EDIL3: variants seen among roughly 807,000 people sequenced by gnomAD.
EDIL3 encodes EGF-like repeat and discoidin I-like domain-containing protein 3.
Under a neutral mutation model 67.4 loss-of-function variants are expected in EDIL3, and 37 were observed. The observed-to-expected ratio is 0.55, with a 90% CI of 0.42 to 0.72. The LOEUF (loss-of-function observed/expected upper bound fraction) is 0.72, where lower values mean the gene tolerates loss of function less well. EDIL3 is among the 30% of genes least tolerant of loss of function. The pLI is 0.00. For synonymous variants in EDIL3, 195 were observed against 196.3 expected (o/e 0.99, Z 0.05); for missense variants, 527 against 586.3 (o/e 0.90, Z 1.04).
chr5:84,065,354 G>A (rs560397908), intron 7 of EDIL3, among the ~76,000 whole-genome samples: 24 of 152,164 alleles, frequency 1.6e-4, no homozygotes, highest in South Asian at 6.2e-4. Flanking sequence ...TTGGATAATA[G>A]AATTCCTTAT....
chr5:84,311,130 G>A (rs992817279), intron 1 of EDIL3, among the ~76,000 whole-genome samples: 17 of 151,382 alleles, frequency 1.1e-4, no homozygotes, highest in African/African-American at 3.6e-4. Flanking sequence ...GGTTATTTCC[G>A]GTTTTTTAAT....
At chr5:84,013,428 T>TATTATGAAGACTGAA (rs1467236938) in intron 9 of EDIL3, among the ~76,000 whole-genome samples, 1 of 152,098 alleles carries the variant, frequency 6.6e-6, no homozygotes, top group African/African-American at 2.4e-5. Flanking sequence ...ATAATTATCT[T>TATTATGAAGACTGAA]ATTATGAAGA....
At chr5:84,174,956 G>A (rs1748876278) in intron 4 of EDIL3, among the ~76,000 whole-genome samples, 1 of 152,184 alleles carries the variant, frequency 6.6e-6, no homozygotes, top group Non-Finnish European at 1.5e-5. Flanking sequence ...GAGCTGAGGT[G>A]TATGGTAAAT....
At chr5:84,292,288 AT>A (rs894749286) in intron 1 of EDIL3, among the ~76,000 whole-genome samples, 15 of 151,980 alleles carry the variant, frequency 9.9e-5, no homozygotes, top group Non-Finnish European at 1.6e-4. Context: ...AACACTGATG[AT>A]TTTTTTTAAA....
chr5:84,210,212 T>C (rs1744089456), intron 3 of EDIL3, among the ~76,000 whole-genome samples: 1 of 152,204 alleles, frequency 6.6e-6, no homozygotes, highest in Non-Finnish European at 1.5e-5. Context: ...TTGTTTTTCA[T>C]TCAAAACAGA....
chr5:84,106,753 G>A lies in EDIL3; in HGVS notation c.547C>T (p.Leu183Phe), dbSNP rs890344761. The part of the protein sequence containing the change: ...QITASSTHRA[L>F]FGLQKWYPYY... ...GGATACCATTTTTGGAGTCCAAAAA[G>A]AGCTCGGTGAGTAGAGGAAGCTGTG... is the stretch of plus-strand genomic sequence containing the variant. Residue 183 changes from leucine (L) to phenylalanine (F), a missense_variant, in exon 6 of 11, where the codon CTT becomes TTT. Physicochemically the swap from Leu to Phe is conservative, Grantham distance 22. Coordinates refer to ENST00000296591, the MANE Select transcript of EDIL3 (RefSeq NM_005711.5). 12 of 1,613,446 alleles carry A rather than the reference G, an allele frequency of 7.4e-6. No individual in the cohort carries two copies. The highest frequency in any genetic ancestry group is 9.3e-6 in the Non-Finnish European group (11 of 1,179,680).
intron 1 of EDIL3, among the ~76,000 whole-genome samples, chr5:84,291,828 C>T (rs1270991982): frequency 6.8e-6 from 1 of 147,914 alleles, no homozygotes; most frequent in African/African-American, 2.5e-5. Context: ...TATATACACA[C>T]ACATATATAT....
chr5:84,377,710 C>T (rs545446187), intron 1 of EDIL3, among the ~76,000 whole-genome samples: 14 of 152,284 alleles, frequency 9.2e-5, no homozygotes, highest in African/African-American at 3.4e-4. Flanking sequence ...GAGATTAAAA[C>T]CTTGGTCTTC....
chr5:84,106,519 T>A, intron 6 of EDIL3, 130 bp downstream of exon 6: 4 of 1,134,716 alleles, frequency 3.5e-6, no homozygotes, highest in Non-Finnish European at 4.8e-6. Flanking sequence ...TTTGAACTCT[T>A]CACTAAATTA....
chr5:84,184,654 T>G (rs1262425530), intron 3 of EDIL3, among the ~76,000 whole-genome samples: 1 of 152,150 alleles, frequency 6.6e-6, no homozygotes, highest in African/African-American at 2.4e-5. Flanking sequence ...CTGCATGTGA[T>G]GCCCAAGAGA....
chr5:84,371,387 A>ATG (rs1274614165), intron 1 of EDIL3, among the ~76,000 whole-genome samples: 56 of 145,762 alleles, frequency 3.8e-4, no homozygotes, highest in Admixed American at 6.2e-4. Flanking sequence ...GTGTGTATAT[A>ATG]TATGTGTGTA....
chr5:84,246,152 C>T (rs949818162), intron 2 of EDIL3, among the ~76,000 whole-genome samples: 3 of 152,144 alleles, frequency 2.0e-5, no homozygotes, highest in African/African-American at 7.2e-5. Flanking sequence ...AGCAACATTC[C>T]ACAGCAGATT....
chr5:84,145,384 T>C (rs1276557259), intron 4 of EDIL3, among the ~76,000 whole-genome samples: 1 of 152,110 alleles, frequency 6.6e-6, no homozygotes, highest in Non-Finnish European at 1.5e-5. Context: ...GGGGATACTC[T>C]GCATAATGGC....
chr5:84,324,928 A>G (rs1459400864), intron 1 of EDIL3, among the ~76,000 whole-genome samples: 1 of 59,894 alleles, frequency 1.7e-5, no homozygotes, highest in Non-Finnish European at 5.1e-5. Flanking sequence ...TCTCCTGATT[A>G]AAAAAAAAAA....
At chr5:84,374,653 T>C (rs936980986) in intron 1 of EDIL3, among the ~76,000 whole-genome samples, 1 of 152,172 alleles carries the variant, frequency 6.6e-6, no homozygotes, top group Non-Finnish European at 1.5e-5. Flanking sequence ...TATCCCAAAT[T>C]GCAATCCCCA....
chr5:84,002,011 G>A (rs1745339857), intron 9 of EDIL3, among the ~76,000 whole-genome samples: 1 of 151,850 alleles, frequency 6.6e-6, no homozygotes, highest in South Asian at 2.1e-4. Context: ...AATATCTCTG[G>A]TGAACTGATA....
intron 1 of EDIL3, among the ~76,000 whole-genome samples, chr5:84,270,660 T>TTCTAAGC (rs1490867350): frequency 1.4e-4 from 21 of 152,260 alleles, no homozygotes; most frequent in Middle Eastern, 3.4e-3. Flanking sequence ...CCGTTCTAAG[T>TTCTAAGC]TCTAAGCACT....
At chr5:84,331,576 A>C (rs967164270) in intron 1 of EDIL3, among the ~76,000 whole-genome samples, 2 of 152,144 alleles carry the variant, frequency 1.3e-5, no homozygotes, top group African/African-American at 2.4e-5. Context: ...TCATGACTGT[A>C]ATTTTCCTGA....
intron 5 of EDIL3, among the ~76,000 whole-genome samples, chr5:84,109,769 A>G (rs1355943306): frequency 1.3e-5 from 2 of 152,130 alleles, no homozygotes; most frequent in Non-Finnish European, 2.9e-5. Flanking sequence ...ATATAGTCAA[A>G]AAAGGCCACC....
Sources: gnomAD v4.1 joint callset for allele counts (sites outside exome capture counted in the v4.1 genomes callset) on GRCh38, gnomAD v4.1.1 for gene constraint, MANE v1.5 for transcripts, NCBI Gene and HGNC (gene_info 2026-07-23, HGNC 2026-07-21) for gene names.